The following TTLL8 variants were observed in gnomAD, a reference collection of about 807,000 sequenced individuals.
TTLL8 encodes protein monoglycylase TTLL8.
Under a neutral mutation model 77.8 loss-of-function variants are expected in TTLL8, and 65 were observed. The observed-to-expected ratio is 0.84, with a 90% CI of 0.68 to 1.03. The LOEUF (loss-of-function observed/expected upper bound fraction) is 1.03, where lower values mean the gene tolerates loss of function less well. Ranked by LOEUF, TTLL8 falls within the 50% of genes least tolerant of loss-of-function variation. The probability of loss-of-function intolerance (pLI) is 0.00; values close to 1 mark genes in which losing one functional copy is unlikely to be tolerated. For synonymous variants in TTLL8, 402 were observed against 422.8 expected, an observed-to-expected ratio of 0.95 and a Z score of 0.60; for missense variants, 910 against 1,004.5, an observed-to-expected ratio of 0.91 and a Z score of 1.27.
intron 12 of TTLL8, chr22:50,027,635 C>T: frequency 1.0e-6 from 1 of 985,468 alleles, no homozygotes; most frequent in Non-Finnish European, 1.2e-6. Context: ...AGCCAACAAG[C>T]TCCAAGGGCC....
chr22:50,029,423 A>C (rs1216733216), intron 12 of TTLL8, among the ~76,000 whole-genome samples: 3 of 150,060 alleles, frequency 2.0e-5, no homozygotes, highest in Non-Finnish European at 3.0e-5. Flanking sequence ...ACACACTCGT[A>C]AAGACCCCAT....
At position 50,041,911 on chromosome 22, in the gene TTLL8, C is replaced by T. The variant is rs768551286; in HGVS notation, c.644-104G>A. The T allele has an allele frequency of 9.2e-6, 9 of 982,042 alleles. No homozygotes were observed. Among genetic ancestry groups the T allele is most frequent in the Non-Finnish European group, 1.2e-5 (9 of 741,992 alleles). 60.8% of individuals were successfully genotyped at this position (982,042 alleles called of 1,614,324 possible). Reference sequence around the variant, plus strand: ...AGTCATGGACAAAGGCTGCTCCACTCCCTCTGTGCCCCAATACCCAACAAG... The same window carrying T: ...AGTCATGGACAAAGGCTGCTCCACTTCCTCTGTGCCCCAATACCCAACAAG... On this transcript the variant is annotated intron_variant, in intron 6 of 13. Coordinates refer to ENST00000266182, the Ensembl canonical transcript of TTLL8. This position sits in a 1 kb window ranked among gnomAD's most constrained non-coding sequence, Gnocchi z 4.3.
chr22:50,047,267 G>T lies in TTLL8; in HGVS notation c.294C>A (p.Tyr98Ter). ...TGTCCCTCTTGATGGTCCAGAGGAGGTACGGCATCTCATTTTTTACCAACC... is the reference window on the plus strand; with the variant it reads ...TGTCCCTCTTGATGGTCCAGAGGAGTTACGGCATCTCATTTTTTACCAACC... Residue 98 changes from tyrosine (Y) to a stop codon, truncating the protein, a stop_gained, in exon 4 of 14, where the codon TAC (tyrosine) becomes TAA (stop). Coordinates refer to ENST00000266182, the Ensembl canonical transcript of TTLL8. LOFTEE classifies it high-confidence loss of function. 7.3e-7 allele frequency: 1 copy of T among 1,367,620 alleles called. No individual in the cohort carries two copies. The highest frequency in any genetic ancestry group is 9.8e-7 in the Non-Finnish European group (1 of 1,021,780). 84.7% of individuals were successfully genotyped at this position (1,367,620 alleles called of 1,614,324 possible).
intron 12 of TTLL8, among the ~76,000 whole-genome samples, chr22:50,029,730 C>CA (rs960623721): frequency 4.0e-5 from 6 of 151,656 alleles, no homozygotes; most frequent in Admixed American, 6.6e-5. Context: ...GACTCTGTCT[C>CA]AAAAAAACAA....
chr22:50,031,582 C>T (rs946666881), intron 11 of TTLL8, 104 bp downstream of exon 12: 21 of 1,196,120 alleles, frequency 1.8e-5, no homozygotes, highest in African/African-American at 6.4e-5. Flanking sequence ...CCATAGACCC[C>T]GCTGCACTGG....
chr22:50,022,850 T>C (rs1335505182), intron 12 of TTLL8, among the ~76,000 whole-genome samples: 1 of 152,244 alleles, frequency 6.6e-6, no homozygotes, highest in Non-Finnish European at 1.5e-5. Context: ...CATCTACAAG[T>C]TGCCAGAATC....
intron 1 of TTLL8, among the ~76,000 whole-genome samples, chr22:50,053,339 G>A (rs5771136): frequency 0.11 from 16,443 of 151,814 alleles, 1,029 homozygotes; most frequent in East Asian, 0.29. Context: ...GCACATTCTC[G>A]ACCACAATGC....
intron 12 of TTLL8, among the ~76,000 whole-genome samples, chr22:50,023,446 A>T (rs1380447958): frequency 1.3e-5 from 2 of 152,182 alleles, no homozygotes; most frequent in African/African-American, 4.8e-5. Flanking sequence ...GCACTTTGGG[A>T]GGCCGAGGCG....
exon 10 of TTLL8, chr22:50,033,258 G>A: frequency 1.5e-6 from 2 of 1,360,130 alleles, no homozygotes; most frequent in South Asian, 1.2e-5. Flanking sequence ...AACTCTCCTT[G>A]TAGAACCAGA....
At chr22:50,048,988 C>G (rs2061428718) in intron 3 of TTLL8, among the ~76,000 whole-genome samples, 1 of 152,248 alleles carries the variant, frequency 6.6e-6, no homozygotes, top group African/African-American at 2.4e-5. Flanking sequence ...GCACAGCAGG[C>G]CAGCCCAGTG....
At position 50,050,215 on chromosome 22, in the gene TTLL8, G is replaced by T; in HGVS notation, c.84C>A (p.Tyr28Ter). ...TTCGCAGAGCGGCCCGGACCACCGG[G>T]TAGTGTCCGTAGATAGAGAAAATCT... The change falls in exon 2 of 14, where the codon TAC becomes TAA. Residue 28 changes from tyrosine to a stop codon, truncating the protein, a stop_gained. Coordinates refer to ENST00000266182, the Ensembl canonical transcript of TTLL8. LOFTEE classifies it high-confidence loss of function. 7.4e-7 allele frequency: 1 copy of T among 1,350,634 alleles called. No homozygotes were observed. The highest frequency in any genetic ancestry group is 9.9e-7 in the Non-Finnish European group (1 of 1,014,284). 83.7% of individuals were successfully genotyped at this position (1,350,634 alleles called of 1,614,324 possible).
intron 8 of TTLL8, among the ~76,000 whole-genome samples, chr22:50,037,369 A>G (rs774341770): frequency 6.6e-6 from 1 of 151,858 alleles, no homozygotes; most frequent in Non-Finnish European, 1.5e-5. Context: ...CACCGCGCCC[A>G]GCTAATTTTT....
At chr22:50,036,235 G>A (rs1014854968) in intron 8 of TTLL8, among the ~76,000 whole-genome samples, 20 of 152,188 alleles carry the variant, frequency 1.3e-4, no homozygotes, top group Admixed American at 9.8e-4. Context: ...GGCAGCAGCC[G>A]GGAATCTCCC....
intron 12 of TTLL8, among the ~76,000 whole-genome samples, chr22:50,027,947 C>T (rs367605185): frequency 4.6e-5 from 7 of 152,348 alleles, no homozygotes; most frequent in East Asian, 1.9e-4. Flanking sequence ...ACCTGACTCA[C>T]GCACGGACGC....
chr22:50,044,716 A>G lies in TTLL8; in HGVS notation c.643+539T>C. The stretch of plus-strand genomic sequence containing the variant: ...AGGCGCGGGGGCAGGAGAGTGTGGT[A>G]AATCTTGTACCCTCTGCTCAGCTGT... On this transcript the variant is annotated intron_variant, in intron 6 of 13. Coordinates refer to ENST00000266182, the Ensembl canonical transcript of TTLL8. This position sits in a 1 kb window ranked among gnomAD's most constrained non-coding sequence, Gnocchi z 4.2. Among the ~76,000 whole-genome samples, 1 of 152,138 alleles carries G rather than the reference A, an allele frequency of 6.6e-6. No homozygotes were observed. Among genetic ancestry groups the G allele is most frequent in the East Asian group, 1.9e-4 (1 of 5,182 alleles).
chr22:50,018,684 C>T (rs923450654), intron 12 of TTLL8, among the ~76,000 whole-genome samples: 1 of 152,240 alleles, frequency 6.6e-6, no homozygotes, highest in Admixed American at 6.5e-5. Flanking sequence ...TGCTGATTTT[C>T]CCAGAGCCAC....
At chr22:50,026,602 T>C (rs1200152724) in intron 12 of TTLL8, among the ~76,000 whole-genome samples, 2 of 152,148 alleles carry the variant, frequency 1.3e-5, no homozygotes, top group Admixed American at 6.5e-5. Flanking sequence ...CCAAAGGTAA[T>C]TGATGATGAT....
At chr22:50,040,180 C>T (rs573779881) in intron 8 of TTLL8, among the ~76,000 whole-genome samples, 30 of 148,114 alleles carry the variant, frequency 2.0e-4, no homozygotes, top group African/African-American at 7.0e-4. Flanking sequence ...TGTGTGCCAG[C>T]GTGGACGGAC....
chr22:50,018,635 T>C (rs2061178738), intron 12 of TTLL8, among the ~76,000 whole-genome samples: 1 of 152,210 alleles, frequency 6.6e-6, no homozygotes. Flanking sequence ...AGCTGGCAGA[T>C]AGAACTGACA....
Sources: gnomAD v4.1 joint callset for allele counts (sites outside exome capture counted in the v4.1 genomes callset) on GRCh38, gnomAD v4.1.1 for gene constraint, Gnocchi (gnomAD v3.1) non-coding constraint, MANE v1.5 for transcripts, NCBI Gene and HGNC (gene_info 2026-07-23, HGNC 2026-07-21) for gene names.